CDRT4: variants seen among roughly 807,000 people sequenced by gnomAD.
CDRT4 encodes CMT1A duplicated region transcript 4 protein.
For synonymous variants in CDRT4, 64 were observed against 69.6 expected (o/e 0.92, Z 0.40); for missense variants, 167 against 193.1 (o/e 0.87, Z 0.80).
chr17:15,456,893 C>G (rs1208530387), intron 1 of CDRT4, among the ~76,000 whole-genome samples: 2 of 152,166 alleles, frequency 1.3e-5, no homozygotes, highest in African/African-American at 4.8e-5. Context: ...TGTTTGTTTT[C>G]TGAAGCTCTC....
At chr17:15,454,019 C>T (rs1979378662) in intron 1 of CDRT4, among the ~76,000 whole-genome samples, 1 of 152,112 alleles carries the variant, frequency 6.6e-6, no homozygotes. Context: ...TGCTGCAATG[C>T]CAAAACAATG....
chr17:15,446,368 CAAG>C (rs1979027667), intron 2 of CDRT4, among the ~76,000 whole-genome samples: 1 of 152,098 alleles, frequency 6.6e-6, no homozygotes, highest in African/African-American at 2.4e-5. Flanking sequence ...GGGGTGCACA[CAAG>C]AAGATGACCA....
intron 3 of CDRT4, among the ~76,000 whole-genome samples, chr17:15,439,312 G>A (rs1567608049): frequency 6.6e-6 from 1 of 152,208 alleles, no homozygotes; most frequent in Non-Finnish European, 1.5e-5. Context: ...ATCAAGTGAA[G>A]TGTAGGTCGT....
At position 15,450,204 on chromosome 17, in the gene CDRT4, CCTT is replaced by C. The variant is rs1313568144; in HGVS notation, c.-48+2797_-48+2799del. On this transcript the variant is annotated intron_variant, in intron 2 of 3. Coordinates refer to ENST00000619038, the MANE Select transcript of CDRT4 (RefSeq NM_001204477.2). This position sits in a 1 kb window ranked among gnomAD's most constrained non-coding sequence, Gnocchi z 4.2. The stretch of plus-strand genomic sequence containing the variant: ...ACTATTTCAAACCTCCTCTTCACCT[CCTT>C]CTCCTTCCATTGTAGGTTGTCTTTG... Among the ~76,000 whole-genome samples the C allele has an allele frequency of 6.6e-6, 1 of 152,172 alleles. No homozygotes were observed. The highest frequency in any genetic ancestry group is 1.5e-5 in the Non-Finnish European group (1 of 68,036).
intron 2 of CDRT4, among the ~76,000 whole-genome samples, chr17:15,451,785 T>A (rs1237651094): frequency 6.6e-6 from 1 of 152,188 alleles, no homozygotes; most frequent in Non-Finnish European, 1.5e-5. Flanking sequence ...TCACCACCAG[T>A]CACTATCACA....
In CDRT4 at chr17:15,460,614, T is replaced by G. The variant is rs562767218; in HGVS notation, c.-130+6846A>C. Among the ~76,000 whole-genome samples the G allele has an allele frequency of 5.7e-4, 87 of 152,228 alleles. 2 individuals are homozygous for G. In the South Asian group the frequency reaches 0.017, roughly 30 times the overall value. ...CACGTGATCAAACATGTTGCCCCAG[T>G]GCTGCCCCCATATCCGCCTGGTTGC... On this transcript the variant is annotated intron_variant, in intron 1 of 3. Coordinates refer to ENST00000619038, the MANE Select transcript of CDRT4 (RefSeq NM_001204477.2).
At chr17:15,439,403 G>A (rs968278892) in intron 3 of CDRT4, among the ~76,000 whole-genome samples, 1 of 152,208 alleles carries the variant, frequency 6.6e-6, no homozygotes, top group African/African-American at 2.4e-5. Context: ...AGAATGTGCT[G>A]TAGAAGGATT....
At chr17:15,446,186 G>A (rs1273015698) in intron 2 of CDRT4, among the ~76,000 whole-genome samples, 3 of 151,996 alleles carry the variant, frequency 2.0e-5, no homozygotes, top group African/African-American at 7.2e-5. Flanking sequence ...CCATCTCACA[G>A]GACCAGCACA....
intron 1 of CDRT4, among the ~76,000 whole-genome samples, chr17:15,462,060 GCACAGCA>G (rs920395162): frequency 3.3e-5 from 5 of 152,116 alleles, no homozygotes; most frequent in South Asian, 2.1e-4. Context: ...AGCCAGGTGA[GCACAGCA>G]CACTTAGGGA....
At chr17:15,447,502 C>T (rs1007290786) in intron 2 of CDRT4, among the ~76,000 whole-genome samples, 2 of 152,200 alleles carry the variant, frequency 1.3e-5, no homozygotes, top group Admixed American at 6.5e-5. Context: ...AGGCAGTTTC[C>T]AAACAGTGTG....
At chr17:15,456,012 G>A (rs1176626655) in intron 1 of CDRT4, among the ~76,000 whole-genome samples, 4 of 152,162 alleles carry the variant, frequency 2.6e-5, no homozygotes, top group African/African-American at 9.7e-5. Context: ...AAAGCCCCTA[G>A]CAGACCTATC....
chr17:15,452,685 CA>C (rs1314041313), intron 2 of CDRT4: 1 of 152,264 alleles, frequency 6.6e-6, no homozygotes, highest in African/African-American at 2.4e-5. Flanking sequence ...ATACACCCTT[CA>C]TATCTCCTTC....
chr17:15,459,929 GC>G (rs1979673456), intron 1 of CDRT4, among the ~76,000 whole-genome samples: 2 of 152,026 alleles, frequency 1.3e-5, no homozygotes, highest in African/African-American at 4.8e-5. Flanking sequence ...CACCTCATAG[GC>G]CTCTCTTCTC....
intron 2 of CDRT4, among the ~76,000 whole-genome samples, chr17:15,441,505 G>A (rs951424080): frequency 1.5e-4 from 23 of 151,964 alleles, no homozygotes; most frequent in African/African-American, 5.3e-4. Flanking sequence ...CAGCTGCCAC[G>A]TACGTGAGGG....
At chr17:15,440,426 T>C (rs2954764) in intron 2 of CDRT4, 141 bp from the exon 3 acceptor site, 144,894 of 969,126 alleles carry the variant, frequency 0.15, 17,732 homozygotes, top group East Asian at 0.46. Context: ...AGAGGACATG[T>C]TTTTTGTGGA....
chr17:15,447,084 G>A (rs764770629), intron 2 of CDRT4, among the ~76,000 whole-genome samples: 9 of 152,126 alleles, frequency 5.9e-5, no homozygotes, highest in Non-Finnish European at 8.8e-5. Context: ...TCAAGGGTCC[G>A]CAATCCAGGT....
intron 1 of CDRT4, among the ~76,000 whole-genome samples, chr17:15,455,861 C>A (rs1290357033): frequency 1.3e-5 from 2 of 152,186 alleles, no homozygotes; most frequent in Non-Finnish European, 2.9e-5. Flanking sequence ...ATGACTGTAG[C>A]CTCATGGAGA....
At position 15,437,404 on chromosome 17, in the gene CDRT4, G is replaced by A; in HGVS notation, c.*369C>T. 1 of 276,670 alleles carries A rather than the reference G, an allele frequency of 3.6e-6. No homozygotes were observed. The highest frequency in any genetic ancestry group is 5.1e-5 in the South Asian group (1 of 19,656). 17.1% of individuals were successfully genotyped at this position (276,670 alleles called of 1,614,324 possible). On this transcript the variant is annotated 3_prime_UTR_variant, in exon 4 of 4. Coordinates refer to ENST00000619038, the MANE Select transcript of CDRT4 (RefSeq NM_001204477.2). ...ATGGATACCTTTGTATTCCCTTCCT[G>A]CCCTTTACTGTCACCTGGTTAATCA...
chr17:15,461,353 C>CA (rs1380961038), intron 1 of CDRT4, among the ~76,000 whole-genome samples: 1 of 152,246 alleles, frequency 6.6e-6, no homozygotes, highest in Non-Finnish European at 1.5e-5. Context: ...TCCGCTACAG[C>CA]ATGCGGGCTG....
Sources: gnomAD v4.1 joint callset for allele counts (sites outside exome capture counted in the v4.1 genomes callset) on GRCh38, gnomAD v4.1.1 for gene constraint, Gnocchi (gnomAD v3.1) non-coding constraint, MANE v1.5 for transcripts, NCBI Gene and HGNC (gene_info 2026-07-23, HGNC 2026-07-21) for gene names.